Variants in ZNF536 observed in about 807,000 individuals in gnomAD.
The protein encoded by ZNF536 is zinc finger protein 536.
Under a neutral mutation model 84.5 loss-of-function variants are expected in ZNF536, and 13 were observed. The observed-to-expected ratio is 0.15, with a 90% CI of 0.10 to 0.24. The LOEUF is 0.24. Ranked by LOEUF, ZNF536 falls within the 10% of genes least tolerant of loss-of-function variation. The pLI is 1.00. For synonymous variants in ZNF536, 811 were observed against 742.5 expected, an observed-to-expected ratio of 1.09 and a Z score of -1.50; for missense variants, 1,536 against 1,747.5, an observed-to-expected ratio of 0.88 and a Z score of 2.16.
chr19:30,695,432 A>G (rs985636642), intron 1 of ZNF536, among the ~76,000 whole-genome samples: 7 of 152,182 alleles, frequency 4.6e-5, no homozygotes, highest in African/African-American at 9.7e-5. Flanking sequence ...GACAGAACAT[A>G]ATTAAGTGCC....
intron 1 of ZNF536, among the ~76,000 whole-genome samples, chr19:30,230,985 T>A (rs1216996363): frequency 2.0e-5 from 3 of 151,516 alleles, no homozygotes; most frequent in African/African-American, 4.9e-5. Flanking sequence ...TTTTTTTTTT[T>A]TATAAGAAGA....
intron 1 of ZNF536, among the ~76,000 whole-genome samples, chr19:30,423,237 G>T (rs62101948): frequency 0.55 from 82,467 of 150,162 alleles, 23,324 homozygotes; most frequent in Non-Finnish European, 0.61. Context: ...TCCTCCACCC[G>T]CCCATTCACA....
intron 2 of ZNF536, among the ~76,000 whole-genome samples, chr19:30,455,451 C>G (rs779645921): frequency 6.6e-6 from 1 of 152,038 alleles, no homozygotes; most frequent in Non-Finnish European, 1.5e-5. Context: ...GCCTGTATTC[C>G]AACACTTTGG....
chr19:30,313,921 G>T (rs1056835419), intron 2 of ZNF536, among the ~76,000 whole-genome samples: 2 of 152,214 alleles, frequency 1.3e-5, no homozygotes, highest in Admixed American at 6.5e-5. Context: ...GGACTTCAGA[G>T]TAAAGAATAG....
chr19:30,488,113 C>A (rs2054367646), intron 2 of ZNF536, among the ~76,000 whole-genome samples: 1 of 152,204 alleles, frequency 6.6e-6, no homozygotes, highest in African/African-American at 2.4e-5. Context: ...CTGTTCAATT[C>A]TTCTTCATGG....
At chr19:30,468,352 G>C (rs1354864950) in intron 2 of ZNF536, among the ~76,000 whole-genome samples, 4 of 152,178 alleles carry the variant, frequency 2.6e-5, no homozygotes, top group Non-Finnish European at 1.5e-5. Context: ...ATGGAATGAG[G>C]AAGGGGAAGA....
At chr19:30,692,075 A>G (rs772608129) in intron 1 of ZNF536, among the ~76,000 whole-genome samples, 1 of 152,232 alleles carries the variant, frequency 6.6e-6, no homozygotes, top group Non-Finnish European at 1.5e-5. Context: ...ATGTGGATAT[A>G]CAGGAAGGAA....
intron 2 of ZNF536, among the ~76,000 whole-genome samples, chr19:30,502,798 G>A (rs554342906): frequency 5.4e-4 from 82 of 152,246 alleles, no homozygotes; most frequent in African/African-American, 1.9e-3. Context: ...CCTGAGCCAC[G>A]GGAAAGAGCT....
chr19:30,581,889 G>A (rs983021834), intron 1 of ZNF536, among the ~76,000 whole-genome samples: 3 of 152,166 alleles, frequency 2.0e-5, no homozygotes, highest in Admixed American at 6.5e-5. Context: ...AGCTGAGATC[G>A]TGCCACTGCA....
intron 2 of ZNF536, among the ~76,000 whole-genome samples, chr19:30,349,928 C>T (rs938771634): frequency 2.0e-5 from 3 of 152,020 alleles, no homozygotes; most frequent in African/African-American, 7.2e-5. Flanking sequence ...ATATGTGATT[C>T]AACTGAGGTT....
intron 2 of ZNF536, among the ~76,000 whole-genome samples, chr19:30,480,908 G>A (rs1020920271): frequency 2.0e-5 from 3 of 151,756 alleles, no homozygotes; most frequent in African/African-American, 4.8e-5. Context: ...TGGTGGATGC[G>A]GCTGTAATTC....
rs2148186506 is a variant in ZNF536 at position 30,444,504 on chromosome 19, G to C, written c.942G>C (p.Glu314Asp). 1 of 1,612,058 alleles carries C rather than the reference G, an allele frequency of 6.2e-7. No homozygotes were observed. Among genetic ancestry groups the C allele is most frequent in the Non-Finnish European group, 8.5e-7 (1 of 1,179,776 alleles). ...ACTTCGCGGCTTCGCAGGAGGAGGA[G>C]CTCATCAGCCACGTGGAGAAGGCAC... The part of the protein sequence containing the change: ...LCDFAASQEE[E>D]LISHVEKAHI... Residue 314 changes from glutamate to aspartate, a missense_variant, in exon 2 of 5, where the codon GAG becomes GAC. Physicochemically the swap from Glu to Asp is conservative, Grantham distance 45. Around this residue, in one of 8 missense-constraint regions of ZNF536, gnomAD observed 61 missense variants for 104.0 expected, o/e 0.59. Transcript: ENST00000355537.
At chr19:30,269,781 G>C (rs1030125564) in intron 1 of ZNF536, among the ~76,000 whole-genome samples, 4 of 152,138 alleles carry the variant, frequency 2.6e-5, no homozygotes, top group African/African-American at 7.2e-5. Context: ...TACGAACGAA[G>C]ATGCCACAGC....
At chr19:30,635,847 G>T (rs1050598819) in intron 1 of ZNF536, among the ~76,000 whole-genome samples, 5 of 152,182 alleles carry the variant, frequency 3.3e-5, no homozygotes, top group Admixed American at 1.3e-4. Flanking sequence ...AGGACACTGC[G>T]GAGAGCGCTT....
chr19:30,561,357 C>T (rs564908419), downstream of ZNF536, among the ~76,000 whole-genome samples: 3 of 152,272 alleles, frequency 2.0e-5, no homozygotes, highest in East Asian at 5.8e-4. Context: ...CTGAGGTGCA[C>T]AGTGGCCCCA....
chr19:30,649,025 G>A (rs2049590421), intron 1 of ZNF536, among the ~76,000 whole-genome samples: 1 of 152,124 alleles, frequency 6.6e-6, no homozygotes, highest in Non-Finnish European at 1.5e-5. Flanking sequence ...AGGGCGATGG[G>A]GTAGGACGGC....
intron 2 of ZNF536, among the ~76,000 whole-genome samples, chr19:30,532,923 C>T (rs912862211): frequency 6.6e-6 from 1 of 152,148 alleles, no homozygotes; most frequent in Admixed American, 6.5e-5. Flanking sequence ...TCTTTGGGGG[C>T]CTTTCCACAT....
chr19:30,451,260 G>T (rs547254951), intron 2 of ZNF536, among the ~76,000 whole-genome samples: 80 of 152,370 alleles, frequency 5.3e-4, no homozygotes, highest in African/African-American at 1.8e-3. Flanking sequence ...CGCCCTGCTC[G>T]TGCCGGGATC....
At chr19:30,480,722 A>G (rs2054045424) in intron 2 of ZNF536, among the ~76,000 whole-genome samples, 1 of 152,212 alleles carries the variant, frequency 6.6e-6, no homozygotes, top group Non-Finnish European at 1.5e-5. Flanking sequence ...AAATAAAAAT[A>G]AATAAATAAA....
Sources: gnomAD v4.1 joint callset for allele counts (sites outside exome capture counted in the v4.1 genomes callset) on GRCh38, gnomAD v4.1.1 for gene constraint, gnomAD v4.1.1 regional missense constraint, MANE v1.5 for transcripts, NCBI Gene and HGNC (gene_info 2026-07-23, HGNC 2026-07-21) for gene names.